Variants in CAMTA1 observed in about 807,000 individuals in gnomAD.
CAMTA1 encodes calmodulin binding transcription activator 1.
Under a neutral mutation model 170.9 loss-of-function variants are expected in CAMTA1, and 27 were observed. The ratio of observed to expected loss-of-function variants is 0.16; its 90% CI spans 0.12 to 0.22. The LOEUF is 0.22. CAMTA1 is among the 10% of genes least tolerant of loss of function. The pLI is 1.00. For synonymous variants in CAMTA1, 833 were observed against 891.5 expected, an observed-to-expected ratio of 0.93 and a Z score of 1.17; for missense variants, 1,619 against 2,217.2, an observed-to-expected ratio of 0.73 and a Z score of 5.42.
intron 3 of CAMTA1, among the ~76,000 whole-genome samples, chr1:6,976,721 A>C (rs925162926): frequency 1.3e-5 from 2 of 152,202 alleles, no homozygotes; most frequent in Non-Finnish European, 2.9e-5. Context: ...AGGGAAGAGA[A>C]TATTCCAGAC....
intron 11 of CAMTA1, among the ~76,000 whole-genome samples, chr1:7,687,913 G>T (rs2096272331): frequency 6.6e-6 from 1 of 152,038 alleles, no homozygotes; most frequent in Non-Finnish European, 1.5e-5. Context: ...GTTGCTGGGT[G>T]CAAGAATCGT....
At chr1:6,797,368 C>G (rs904726960) in intron 1 of CAMTA1, among the ~76,000 whole-genome samples, 1 of 149,114 alleles carries the variant, frequency 6.7e-6, no homozygotes, top group Non-Finnish European at 1.5e-5. Flanking sequence ...GCTGAGATGA[C>G]TTTTTATTTT....
At chr1:7,632,417 A>T (rs533151660) in intron 6 of CAMTA1, among the ~76,000 whole-genome samples, 1 of 152,300 alleles carries the variant, frequency 6.6e-6, no homozygotes, top group South Asian at 2.1e-4. Flanking sequence ...TTCATTTTTC[A>T]TGAGAACTGG....
chr1:7,660,054 T>A (rs1229272022), intron 7 of CAMTA1, among the ~76,000 whole-genome samples: 2 of 152,194 alleles, frequency 1.3e-5, no homozygotes, highest in African/African-American at 4.8e-5. Flanking sequence ...CATAGTGAGA[T>A]CCTTGTCTCT....
At chr1:6,873,912 A>G (rs967499680) in intron 3 of CAMTA1, 2 of 152,220 alleles carry the variant, frequency 1.3e-5, no homozygotes, top group African/African-American at 4.8e-5. Flanking sequence ...GTCTCTGGAT[A>G]TGTTACTGGT....
At chr1:6,978,269 A>G (rs1693803809) in intron 3 of CAMTA1, among the ~76,000 whole-genome samples, 1 of 152,184 alleles carries the variant, frequency 6.6e-6, no homozygotes, top group Non-Finnish European at 1.5e-5. Context: ...GAGGGGATGG[A>G]TTCCTCATTC....
intron 3 of CAMTA1, among the ~76,000 whole-genome samples, chr1:6,911,839 A>T (rs2149273370): frequency 6.6e-6 from 1 of 152,350 alleles, no homozygotes; most frequent in Non-Finnish European, 1.5e-5. Context: ...CTGTTCCGCG[A>T]GCCCTGCATC....
chr1:7,412,703 G>A (rs1016344461), intron 5 of CAMTA1, among the ~76,000 whole-genome samples: 6 of 151,912 alleles, frequency 3.9e-5, no homozygotes, highest in African/African-American at 1.5e-4. Context: ...CATTTTGTAG[G>A]TTGCCTGTTC....
At chr1:7,636,704 C>T (rs1472111131) in intron 6 of CAMTA1, among the ~76,000 whole-genome samples, 2 of 139,666 alleles carry the variant, frequency 1.4e-5, no homozygotes, top group East Asian at 4.0e-4. Flanking sequence ...AGTGAAACTC[C>T]ATCTCAAAAA....
At chr1:7,290,047 CA>C (rs1477111207) in intron 5 of CAMTA1, among the ~76,000 whole-genome samples, 2 of 152,224 alleles carry the variant, frequency 1.3e-5, no homozygotes, top group East Asian at 3.8e-4. Context: ...TGCTTTAACC[CA>C]CCCAGTTTGT....
At chr1:7,660,892 A>T (rs1346308374) in intron 7 of CAMTA1, among the ~76,000 whole-genome samples, 1 of 152,126 alleles carries the variant, frequency 6.6e-6, no homozygotes, top group Non-Finnish European at 1.5e-5. Context: ...CATGTGCCGG[A>T]CTCAGGACTT....
chr1:7,009,146 C>T (rs1699432391), intron 3 of CAMTA1, among the ~76,000 whole-genome samples: 1 of 152,224 alleles, frequency 6.6e-6, no homozygotes, highest in South Asian at 2.1e-4. Context: ...TTGGCCATGT[C>T]CCTTCCCTTT....
chr1:7,034,623 C>T (rs774993606), intron 3 of CAMTA1, among the ~76,000 whole-genome samples: 2 of 152,182 alleles, frequency 1.3e-5, no homozygotes, highest in Non-Finnish European at 2.9e-5. Flanking sequence ...GCTGCCTTGG[C>T]CTTCTTACAT....
chr1:7,070,074 C>T (rs923148544), intron 3 of CAMTA1, among the ~76,000 whole-genome samples: 3 of 152,206 alleles, frequency 2.0e-5, no homozygotes, highest in African/African-American at 7.2e-5. Context: ...AGGATGCACC[C>T]TTTGCTCTCT....
At chr1:7,760,420 A>G (rs2096966018) in intron 22 of CAMTA1, among the ~76,000 whole-genome samples, 1 of 152,234 alleles carries the variant, frequency 6.6e-6, no homozygotes, top group Admixed American at 6.5e-5. Flanking sequence ...AAGTGTACTG[A>G]GAAGTAAACA....
chr1:7,381,246 T>G (rs1465059027), intron 5 of CAMTA1, among the ~76,000 whole-genome samples: 1 of 151,704 alleles, frequency 6.6e-6, no homozygotes, highest in South Asian at 2.1e-4. Flanking sequence ...GCTGGTGTGC[T>G]GCACCCACTA....
chr1:7,276,805 A>T (rs762052849), intron 5 of CAMTA1, among the ~76,000 whole-genome samples: 1 of 152,232 alleles, frequency 6.6e-6, no homozygotes, highest in Non-Finnish European at 1.5e-5. Flanking sequence ...CAACATGATC[A>T]TGTGCATAGA....
At chr1:7,279,040 C>T (rs1671134092) in intron 5 of CAMTA1, among the ~76,000 whole-genome samples, 1 of 151,942 alleles carries the variant, frequency 6.6e-6, no homozygotes. Flanking sequence ...ATGCAAAGGC[C>T]CTGGGGGCCT....
At chr1:7,742,043 G>T in intron 16 of CAMTA1, among the ~76,000 whole-genome samples, 1 of 150,816 alleles carries the variant, frequency 6.6e-6, no homozygotes, top group East Asian at 1.9e-4. Flanking sequence ...AAAATGAAAT[G>T]ATAGATAACA....
Sources: gnomAD v4.1 joint callset for allele counts (sites outside exome capture counted in the v4.1 genomes callset) on GRCh38, gnomAD v4.1.1 for gene constraint, MANE v1.5 for transcripts, NCBI Gene and HGNC (gene_info 2026-07-23, HGNC 2026-07-21) for gene names.